Variants in ATXN1 observed in about 807,000 individuals in gnomAD.
ATXN1 encodes the protein ataxin-1.
In ATXN1, 8 loss-of-function variants were observed where a neutral mutation model predicts 56.4. That is an observed-to-expected ratio of 0.14 (90% confidence interval 0.08 to 0.26). ATXN1 has a LOEUF of 0.26. Ranked by LOEUF, ATXN1 falls within the 10% of genes least tolerant of loss-of-function variation. The probability of loss-of-function intolerance (pLI) is 1.00; values close to 1 mark genes in which losing one functional copy is unlikely to be tolerated. For synonymous variants in ATXN1, 514 were observed against 494.6 expected (o/e 1.04, Z -0.52); for missense variants, 987 against 1,106.5 (o/e 0.89, Z 1.53).
chr6:16,501,438 T>A (rs1353628203), intron 5 of ATXN1, among the ~76,000 whole-genome samples: 1 of 152,158 alleles, frequency 6.6e-6, no homozygotes, highest in Non-Finnish European at 1.5e-5. Context: ...AAGCCCCTCA[T>A]GCATTAGGTA....
intron 6 of ATXN1, among the ~76,000 whole-genome samples, chr6:16,392,214 G>T (rs1164468191): frequency 1.3e-5 from 2 of 152,186 alleles, no homozygotes; most frequent in Non-Finnish European, 2.9e-5. Flanking sequence ...TGTTTAATTT[G>T]GAGGAAATTC....
chr6:16,742,355 C>T (rs1760369094), intron 2 of ATXN1, among the ~76,000 whole-genome samples: 2 of 152,130 alleles, frequency 1.3e-5, no homozygotes, highest in Non-Finnish European at 1.5e-5. Context: ...ACCCAGGCAG[C>T]TCCAGAGGTG....
intron 6 of ATXN1, among the ~76,000 whole-genome samples, chr6:16,399,586 CG>C (rs1314619866): frequency 1.3e-5 from 2 of 152,142 alleles, no homozygotes; most frequent in African/African-American, 4.8e-5. Flanking sequence ...TGGCAGCAAG[CG>C]GGGAGGGAAG....
intron 6 of ATXN1, among the ~76,000 whole-genome samples, chr6:16,420,825 T>TTCTC (rs141618033): frequency 3.3e-5 from 5 of 150,674 alleles, no homozygotes; most frequent in African/African-American, 1.2e-4. Flanking sequence ...CAGTTACAGA[T>TTCTC]TCTCTCTCTC....
intron 3 of ATXN1, among the ~76,000 whole-genome samples, chr6:16,599,668 G>A (rs1432614391): frequency 4.7e-5 from 7 of 148,136 alleles, no homozygotes; most frequent in South Asian, 2.1e-4. Context: ...CAGAGATCGC[G>A]CCACTGCACT....
chr6:16,447,620 G>A (rs1445104572), intron 6 of ATXN1, among the ~76,000 whole-genome samples: 1 of 152,134 alleles, frequency 6.6e-6, no homozygotes, highest in Non-Finnish European at 1.5e-5. Context: ...GCCTCCCAAA[G>A]TGCTGGGATT....
At chr6:16,553,943 T>C (rs1761965854) in intron 4 of ATXN1, among the ~76,000 whole-genome samples, 1 of 152,136 alleles carries the variant, frequency 6.6e-6, no homozygotes, top group Non-Finnish European at 1.5e-5. Context: ...GCCTAAAGCA[T>C]TTAGGGGTGG....
At chr6:16,577,238 G>T (rs940505902) in intron 4 of ATXN1, among the ~76,000 whole-genome samples, 38 of 152,020 alleles carry the variant, frequency 2.5e-4, no homozygotes, top group African/African-American at 9.2e-4. Flanking sequence ...AAATCTTGTG[G>T]TTTGGCCGGG....
intron 2 of ATXN1, among the ~76,000 whole-genome samples, chr6:16,717,372 C>T (rs916330254): frequency 3.9e-5 from 6 of 152,216 alleles, no homozygotes; most frequent in African/African-American, 1.4e-4. Flanking sequence ...AACAGAGAGG[C>T]AGGCTATGTT....
chr6:16,591,834 G>T (rs1336116890), intron 3 of ATXN1, among the ~76,000 whole-genome samples: 1 of 147,112 alleles, frequency 6.8e-6, no homozygotes, highest in Non-Finnish European at 1.5e-5. Flanking sequence ...CACTAATTGT[G>T]ATTTCAACTT....
intron 3 of ATXN1, among the ~76,000 whole-genome samples, chr6:16,591,890 CTT>C (rs1762729557): frequency 6.6e-6 from 1 of 152,126 alleles, no homozygotes; most frequent in Admixed American, 6.6e-5. Context: ...AAATGAAACT[CTT>C]AGCGTTTTCA....
intron 6 of ATXN1, among the ~76,000 whole-genome samples, chr6:16,384,976 T>G (rs1484927575): frequency 1.3e-5 from 2 of 152,234 alleles, no homozygotes; most frequent in Admixed American, 1.3e-4. Context: ...ATGAGTTTCA[T>G]GGGTGGGAAG....
At chr6:16,317,288 C>T (rs911823874) in intron 7 of ATXN1, among the ~76,000 whole-genome samples, 2 of 151,836 alleles carry the variant, frequency 1.3e-5, no homozygotes, top group African/African-American at 4.8e-5. Flanking sequence ...ACACCCTAAG[C>T]AGTAAGTAGA....
At chr6:16,643,108 A>G (rs1168514234) in intron 3 of ATXN1, among the ~76,000 whole-genome samples, 1 of 152,126 alleles carries the variant, frequency 6.6e-6, no homozygotes. Context: ...CATCTCTACT[A>G]AAAATACAAA....
At chr6:16,371,183 G>A (rs989589878) in intron 6 of ATXN1, among the ~76,000 whole-genome samples, 12 of 152,062 alleles carry the variant, frequency 7.9e-5, no homozygotes, top group African/African-American at 2.9e-4. Context: ...TTACAAGAAG[G>A]AACTGTTTTA....
intron 6 of ATXN1, among the ~76,000 whole-genome samples, chr6:16,434,582 A>G (rs1229906726): frequency 6.6e-6 from 1 of 152,246 alleles, no homozygotes; most frequent in Admixed American, 6.5e-5. Flanking sequence ...GTAACAGTCC[A>G]TTCATGATGT....
intron 4 of ATXN1, among the ~76,000 whole-genome samples, chr6:16,568,360 T>C (rs1762267308): frequency 6.6e-6 from 1 of 152,216 alleles, no homozygotes; most frequent in Non-Finnish European, 1.5e-5. Context: ...AAGCCCATAT[T>C]GATAAAGCAG....
intron 2 of ATXN1, among the ~76,000 whole-genome samples, chr6:16,677,596 T>C (rs1758714749): frequency 6.6e-6 from 1 of 152,228 alleles, no homozygotes; most frequent in Non-Finnish European, 1.5e-5. Flanking sequence ...CTGTTTTGCC[T>C]GTATCTTGCT....
intron 3 of ATXN1, among the ~76,000 whole-genome samples, chr6:16,607,716 G>A (rs141341470): frequency 6.6e-6 from 1 of 152,280 alleles, no homozygotes; most frequent in East Asian, 1.9e-4. Flanking sequence ...CTTGGGTCAA[G>A]CATATCCCCA....
Sources: allele counts gnomAD v4.1 joint callset (sites outside exome capture counted in the v4.1 genomes callset), GRCh38; gene constraint gnomAD v4.1.1; transcripts MANE v1.5; gene names NCBI Gene and HGNC (gene_info 2026-07-23, HGNC 2026-07-21).